SLC25A30: variants seen among roughly 807,000 people sequenced by gnomAD.
SLC25A30 encodes the protein solute carrier family 25 member 30.
A neutral mutation model predicts 42.7 loss-of-function variants in SLC25A30; 29 were observed. The ratio of observed to expected loss-of-function variants is 0.68; its 90% CI spans 0.51 to 0.93. SLC25A30 has a LOEUF of 0.93. Ranked by LOEUF, SLC25A30 falls within the 40% of genes least tolerant of loss-of-function variation. The pLI is 0.00. For missense variants in SLC25A30, 300 were observed against 359.7 expected, an observed-to-expected ratio of 0.83 and a Z score of 1.34; for synonymous variants, 124 against 131.0, an observed-to-expected ratio of 0.95 and a Z score of 0.37.
intron 2 of SLC25A30, among the ~76,000 whole-genome samples, chr13:45,410,978 C>T (rs1882964694): frequency 6.6e-6 from 1 of 152,140 alleles, no homozygotes; most frequent in Non-Finnish European, 1.5e-5. Flanking sequence ...CACTCTGTCA[C>T]CCAGGCTGGA....
chr13:45,430,715 G>C, the SLC25A30 span, among the ~76,000 whole-genome samples: 1 of 152,138 alleles, frequency 6.6e-6, no homozygotes, highest in Non-Finnish European at 1.5e-5. Context: ...GCTGAGGTGG[G>C]AGCATCACTT....
intron 5 of SLC25A30, chr13:45,402,704 G>T (rs1307965454): frequency 2.3e-6 from 2 of 884,950 alleles, no homozygotes; most frequent in Admixed American, 6.2e-5. Flanking sequence ...CTATATAGGT[G>T]AGAGAAAAGT....
the SLC25A30 span, among the ~76,000 whole-genome samples, chr13:45,424,604 T>TAGAA: frequency 6.6e-3 from 467 of 70,862 alleles, 48 homozygotes; most frequent in African/African-American, 0.024. Flanking sequence ...TATAAATATA[T>TAGAA]ATAAATATAT....
Position 45,393,729 on chromosome 13 carries a change from A to G in SLC25A30, c.*2245T>C, listed in dbSNP as rs1881114708. 1 of 985,350 alleles carries G rather than the reference A, an allele frequency of 1.0e-6. No individual in the cohort carries two copies. The highest frequency in any genetic ancestry group is 1.7e-5 in the African/African-American group (1 of 57,262). 61.0% of individuals were successfully genotyped at this position (985,350 alleles called of 1,614,324 possible). A position where few individuals can be genotyped will look rare whatever the true frequency, so the allele number is the denominator to read the frequency against. On this transcript the variant is annotated 3_prime_UTR_variant, in exon 10 of 10. Transcript: ENST00000519676. ...CAATTGCATTAACTCTTTCAAAAAA[A>G]CAGAAAAAGCAGGTTAAGATCCTGT...
chr13:45,419,786 C>T (rs891439612), upstream of SLC25A30, among the ~76,000 whole-genome samples: 8 of 151,422 alleles, frequency 5.3e-5, no homozygotes, highest in Non-Finnish European at 1.0e-4. Context: ...AAAAATTAGC[C>T]GGACGTGGTG....
chr13:45,401,006 A>G (rs779078521), intron 7 of SLC25A30, 77 bp downstream of exon 7: 128 of 1,317,562 alleles, frequency 9.7e-5, no homozygotes, highest in Non-Finnish European at 1.3e-4. Context: ...CAACTTTTCA[A>G]ATATAAGAAT....
the SLC25A30 span, among the ~76,000 whole-genome samples, chr13:45,425,773 G>T: frequency 6.9e-6 from 1 of 144,328 alleles, no homozygotes; most frequent in Non-Finnish European, 1.5e-5. Flanking sequence ...GCTCACTGCC[G>T]TCTCCACCTC....
At position 45,396,009 on chromosome 13, in the gene SLC25A30, C is replaced by A; in HGVS notation, c.841G>T (p.Val281Leu). The change falls in exon 10 of 10, where the codon GTG becomes TTG. Residue 281 changes from valine to leucine, a missense_variant. Coordinates refer to ENST00000519676, the MANE Select transcript of SLC25A30 (RefSeq NM_001010875.4). ...RLGPWNIIFF[V>L]TYEQLKKLDL ...AATTTCTTCAACTGCTCGTATGTCA[C>A]AAAGAACTGTGGTTATGGGTTAAGG... The A allele has an allele frequency of 6.2e-7, 1 of 1,614,172 alleles. No individual in the cohort carries two copies. Among genetic ancestry groups the A allele is most frequent in the Non-Finnish European group, 8.5e-7 (1 of 1,180,030 alleles).
chr13:45,424,420 T>C, the SLC25A30 span, among the ~76,000 whole-genome samples: 1 of 57,578 alleles, frequency 1.7e-5, no homozygotes, highest in Non-Finnish European at 3.2e-5. Flanking sequence ...TATATATAAA[T>C]ATATGAATAT....
rs1881247093 is a variant in SLC25A30, at chr13:45,395,615, C to G, written c.*359G>C. 4 of 1,151,006 alleles carry G rather than the reference C, an allele frequency of 3.5e-6. No individual in the cohort carries two copies. Among genetic ancestry groups the G allele is most frequent in the South Asian group, 2.1e-5 (1 of 48,730 alleles). The allele number at this position is 1,151,006 out of a possible 1,614,324, so 71.3% of individuals were successfully genotyped here. A position where few individuals can be genotyped will look rare whatever the true frequency, so the allele number is the denominator to read the frequency against. The stretch of plus-strand genomic sequence containing the variant: ...TGAGCTTTTCTAGAGCAGTCTGATT[C>G]TCAGTCATGAGCTGAGATGCATCAG... On this transcript the variant is annotated 3_prime_UTR_variant, in exon 10 of 10. Coordinates refer to ENST00000519676, the MANE Select transcript of SLC25A30 (RefSeq NM_001010875.4).
chr13:45,429,676 A>AT, the SLC25A30 span, among the ~76,000 whole-genome samples: 4 of 151,750 alleles, frequency 2.6e-5, no homozygotes, highest in Non-Finnish European at 4.4e-5. Flanking sequence ...ACAAAAAAAA[A>AT]TTTTTTTAAT....
chr13:45,424,750 A>G, the SLC25A30 span, among the ~76,000 whole-genome samples: 1 of 64,154 alleles, frequency 1.6e-5, no homozygotes, highest in Non-Finnish European at 2.8e-5. Flanking sequence ...TATTATATCT[A>G]TTTATATAAA....
chr13:45,426,232 G>A, the SLC25A30 span, among the ~76,000 whole-genome samples: 4 of 151,738 alleles, frequency 2.6e-5, no homozygotes, highest in Admixed American at 1.3e-4. Context: ...GACTACAGGC[G>A]TGCGCCACCA....
In SLC25A30 at chr13:45,398,264, C is replaced by A. The variant is rs555130862; in HGVS notation, c.753+676G>T. ...AAGTGGGAGCTAAACAATGGGTACA[C>A]ACGGACATAAAGATAGAAGTAACAG... is the stretch of plus-strand genomic sequence containing the variant. On this transcript the variant is annotated intron_variant, in intron 8 of 9. Coordinates refer to ENST00000519676, the MANE Select transcript of SLC25A30 (RefSeq NM_001010875.4). The A allele has an allele frequency of 4.2e-3, 651 of 153,456 alleles. 2 individuals carry two copies. The highest frequency in any genetic ancestry group is 6.6e-3 in the Non-Finnish European group (460 of 69,188). The allele number at this position is 153,456 out of a possible 1,614,324, so 9.5% of individuals were successfully genotyped here.
chr13:45,423,796 A>G, the SLC25A30 span, among the ~76,000 whole-genome samples: 4 of 66,698 alleles, frequency 6.0e-5, no homozygotes, highest in Non-Finnish European at 7.8e-5. Context: ...ATATATAAAT[A>G]TATATTTATA....
At chr13:45,405,084 G>A (rs996434429) in intron 4 of SLC25A30, among the ~76,000 whole-genome samples, 11 of 152,038 alleles carry the variant, frequency 7.2e-5, no homozygotes, top group African/African-American at 1.4e-4. Flanking sequence ...CTCCACGCCT[G>A]GCTAATATTT....
chr13:45,425,483 TAAATATATATAAGTATATAG>T, the SLC25A30 span, among the ~76,000 whole-genome samples: 3 of 112,726 alleles, frequency 2.7e-5, no homozygotes, highest in South Asian at 4.8e-4. Flanking sequence ...TAAGCATATA[TAAATATATATAAGTATATAG>T]AAATATATAT....
At chr13:45,423,761 T>TATATATAAAA in the SLC25A30 span, among the ~76,000 whole-genome samples, 9 of 55,468 alleles carry the variant, frequency 1.6e-4, 1 homozygote, top group Admixed American at 1.6e-3. Flanking sequence ...TATATATAAA[T>TATATATAAAA]ATATAAAAAT....
At chr13:45,424,178 T>C in the SLC25A30 span, among the ~76,000 whole-genome samples, 2 of 94,874 alleles carry the variant, frequency 2.1e-5, no homozygotes, top group Admixed American at 1.7e-4. Context: ...TCAATATATA[T>C]AAATATTTAT....
Sources: gnomAD v4.1 joint callset for allele counts (sites outside exome capture counted in the v4.1 genomes callset) on GRCh38, gnomAD v4.1.1 for gene constraint, MANE v1.5 for transcripts, NCBI Gene and HGNC (gene_info 2026-07-23, HGNC 2026-07-21) for gene names.